Variants in TAFA1 observed in about 807,000 individuals in gnomAD.
The protein encoded by TAFA1 is chemokine-like protein TAFA-1.
TAFA1 carries 4 observed loss-of-function variants against 18.5 expected under a neutral mutation model. That is an observed-to-expected ratio of 0.22 (90% confidence interval 0.11 to 0.49). TAFA1 has a LOEUF of 0.49. Ranked by LOEUF, TAFA1 falls within the 20% of genes least tolerant of loss-of-function variation. TAFA1 has a pLI of 0.98. For missense variants in TAFA1, 147 were observed against 169.0 expected, an observed-to-expected ratio of 0.87 and a Z score of 0.72; for synonymous variants, 56 against 55.2, an observed-to-expected ratio of 1.01 and a Z score of -0.06.
chr3:68,160,469 C>A (rs539297859), intron 2 of TAFA1, among the ~76,000 whole-genome samples: 51 of 152,264 alleles, frequency 3.3e-4, no homozygotes, highest in African/African-American at 1.2e-3. Flanking sequence ...TGGAGTCAAA[C>A]CGCCCAGAAG....
chr3:68,475,176 T>C (rs1407527664), intron 3 of TAFA1, among the ~76,000 whole-genome samples: 1 of 152,088 alleles, frequency 6.6e-6, no homozygotes, highest in African/African-American at 2.4e-5. Flanking sequence ...ATTATTATTA[T>C]ACTTTAAGCT....
At chr3:68,400,523 C>T (rs1335403051) in intron 2 of TAFA1, among the ~76,000 whole-genome samples, 2 of 152,170 alleles carry the variant, frequency 1.3e-5, no homozygotes, top group Non-Finnish European at 2.9e-5. Flanking sequence ...AGCATTTGAA[C>T]CCCAGTAATC....
chr3:68,408,761 C>G (rs1345266891), intron 2 of TAFA1, among the ~76,000 whole-genome samples: 1 of 151,998 alleles, frequency 6.6e-6, no homozygotes, highest in Non-Finnish European at 1.5e-5. Context: ...AGTGCCCAGC[C>G]AAACAGGCTA....
chr3:68,470,456 T>C (rs1026325118), intron 3 of TAFA1, among the ~76,000 whole-genome samples: 2 of 152,136 alleles, frequency 1.3e-5, no homozygotes, highest in Admixed American at 6.5e-5. Flanking sequence ...CAGAAAAATG[T>C]GGGGAAAGTC....
At chr3:68,265,000 G>A (rs1446339970) in intron 2 of TAFA1, among the ~76,000 whole-genome samples, 1 of 152,008 alleles carries the variant, frequency 6.6e-6, no homozygotes, top group Non-Finnish European at 1.5e-5. Context: ...TCATATTTAT[G>A]TGAAAATGTA....
At chr3:68,519,891 C>T (rs1039235667) in intron 3 of TAFA1, among the ~76,000 whole-genome samples, 2 of 152,158 alleles carry the variant, frequency 1.3e-5, no homozygotes, top group African/African-American at 4.8e-5. Context: ...AGGACACAAA[C>T]ATTTAGTTCA....
chr3:68,318,244 A>T (rs1015468034), intron 2 of TAFA1, among the ~76,000 whole-genome samples: 3 of 152,248 alleles, frequency 2.0e-5, no homozygotes, highest in African/African-American at 7.2e-5. Context: ...TAATGGTGAC[A>T]CACCTCGGCT....
chr3:68,497,215 G>C (rs2072565006), intron 3 of TAFA1, among the ~76,000 whole-genome samples: 1 of 152,070 alleles, frequency 6.6e-6, no homozygotes, highest in African/African-American at 2.4e-5. Flanking sequence ...TCATCTCTAA[G>C]GCAGTGGTTC....
rs2069943793 is a variant in TAFA1, at chr3:68,381,194, C to G, written c.119-36086C>G. ...GTAGCCTTGTAGTATAGTTTGAAGT[C>G]AGGTAGCATGATGCCTCCAGCTTTG... is the stretch of plus-strand genomic sequence containing the variant. On this transcript the variant is annotated intron_variant, in intron 2 of 4. Coordinates refer to ENST00000478136, the MANE Select transcript of TAFA1 (RefSeq NM_213609.4). Among the ~76,000 whole-genome samples the G allele has an allele frequency of 2.0e-5, 3 of 149,888 alleles. No individual in the cohort carries two copies. In the South Asian group the frequency reaches 6.6e-4, roughly 33 times the overall value.
At chr3:68,048,280 G>A (rs563643511) in intron 2 of TAFA1, among the ~76,000 whole-genome samples, 1 of 152,184 alleles carries the variant, frequency 6.6e-6, no homozygotes, top group African/African-American at 2.4e-5. Flanking sequence ...TGGCAGGGCT[G>A]TCATGTATAG....
In TAFA1 at chr3:68,293,429, C is replaced by G. The variant is rs75431608; in HGVS notation, c.119-123851C>G. On this transcript the variant is annotated intron_variant, in intron 2 of 4. Coordinates refer to ENST00000478136, the MANE Select transcript of TAFA1 (RefSeq NM_213609.4). The stretch of plus-strand genomic sequence containing the variant: ...AAAAAATCCCTGTTGTAGATCAACC[C>G]CATCAGTTATCTTGGGGACTGAATT... 2.3e-3 allele frequency among the ~76,000 whole-genome samples: 344 copies of G among 152,118 alleles called. 7 individuals carry two copies. In the East Asian group the frequency reaches 0.034, roughly 15 times the overall value.
intron 3 of TAFA1, among the ~76,000 whole-genome samples, chr3:68,526,755 G>C (rs960288990): frequency 1.8e-4 from 28 of 151,892 alleles, no homozygotes; most frequent in Non-Finnish European, 4.4e-5. Context: ...AAATACCAAA[G>C]TGTAAAAGAA....
chr3:68,389,463 G>A (rs907074818), intron 2 of TAFA1, among the ~76,000 whole-genome samples: 10 of 152,136 alleles, frequency 6.6e-5, no homozygotes, highest in African/African-American at 2.4e-4. Flanking sequence ...CAATAGAAGA[G>A]ATTTTAAGAA....
chr3:68,358,111 G>T (rs564736059), intron 2 of TAFA1, among the ~76,000 whole-genome samples: 3 of 151,972 alleles, frequency 2.0e-5, no homozygotes, highest in East Asian at 3.9e-4. Flanking sequence ...TAGCAATAAA[G>T]CTAAAAGTCA....
At chr3:68,499,776 C>A (rs2665533) in intron 3 of TAFA1, among the ~76,000 whole-genome samples, 30,240 of 150,806 alleles carry the variant, frequency 0.2, 3,111 homozygotes, top group Middle Eastern at 0.24. Flanking sequence ...AAGCAAAGGG[C>A]AGTTTTGAAA....
At position 68,187,975 on chromosome 3, in the gene TAFA1, G is replaced by A. The variant is rs150897816; in HGVS notation, c.118+181231G>A. On this transcript the variant is annotated intron_variant, in intron 2 of 4. Transcript: ENST00000478136. ...GGATATTCTGTTTAATAAAGTTTCT[G>A]TTTACATTTCTTGCCTATTTTTCTA... 1.1e-4 allele frequency among the ~76,000 whole-genome samples: 16 copies of A among 151,884 alleles called. No homozygotes were observed. In the East Asian group the frequency reaches 2.1e-3, roughly 20 times the overall value.
intron 2 of TAFA1, among the ~76,000 whole-genome samples, chr3:68,268,550 A>C: frequency 6.6e-6 from 1 of 152,056 alleles, no homozygotes; most frequent in African/African-American, 2.4e-5. Flanking sequence ...CTGGGAGAAA[A>C]TATGGTGAAG....
intron 2 of TAFA1, among the ~76,000 whole-genome samples, chr3:68,280,095 C>T (rs943502860): frequency 6.6e-6 from 1 of 152,020 alleles, no homozygotes; most frequent in African/African-American, 2.4e-5. Context: ...TTACTGTCTG[C>T]TGAATGGGGC....
chr3:68,264,877 G>A (rs910051103), intron 2 of TAFA1, among the ~76,000 whole-genome samples: 3 of 152,064 alleles, frequency 2.0e-5, no homozygotes, highest in Non-Finnish European at 4.4e-5. Flanking sequence ...TGTTGCATCT[G>A]AGAAGACAGA....
Sources: allele counts gnomAD v4.1 joint callset (sites outside exome capture counted in the v4.1 genomes callset), GRCh38; gene constraint gnomAD v4.1.1; transcripts MANE v1.5; gene names NCBI Gene and HGNC (gene_info 2026-07-23, HGNC 2026-07-21).